STYXL2: variants seen among roughly 807,000 people sequenced by gnomAD.
The protein encoded by STYXL2 is serine/threonine/tyrosine-interacting-like protein 2.
Under a neutral mutation model 52.4 loss-of-function variants are expected in STYXL2, and 44 were observed. That is an observed-to-expected ratio of 0.84 (90% confidence interval 0.66 to 1.08). The LOEUF is 1.08. Ranked by LOEUF, STYXL2 falls within the 50% of genes least tolerant of loss-of-function variation. The pLI, the probability that STYXL2 is intolerant of heterozygous loss-of-function variation, is 0.00. For missense variants in STYXL2, 1,604 were observed against 1,471.7 expected, an observed-to-expected ratio of 1.09 and a Z score of -1.47; for synonymous variants, 604 against 586.9, an observed-to-expected ratio of 1.03 and a Z score of -0.42.
intron 2 of STYXL2, among the ~76,000 whole-genome samples, chr1:167,111,493 TATATATATATATATATATATACAC>T (rs1197373846): frequency 0.026 from 1,461 of 56,198 alleles, 36 homozygotes; most frequent in East Asian, 0.24. Context: ...TATATATATA[TATATATATATATATATATATACAC>T]ACACACACAC....
In STYXL2 at chr1:167,128,708, G is replaced by A. The variant is rs267747; in HGVS notation, c.*100G>A. 263,480 of 1,456,428 alleles carry A rather than the reference G, an allele frequency of 0.18. 29,433 individuals carry two copies. The highest frequency in any genetic ancestry group is 0.53 in the African/African-American group (37,318 of 70,270). 90.2% of individuals were successfully genotyped at this position (1,456,428 alleles called of 1,614,324 possible). A position where few individuals can be genotyped will look rare whatever the true frequency, so the allele number is the denominator to read the frequency against. ...TCATCGCAGGATGAGGATACAGAGA[G>A]GATCTTCCAGAGGGGCAGAGCCAAA... On this transcript the variant is annotated 3_prime_UTR_variant, in exon 6 of 6. Coordinates refer to ENST00000361200, the MANE Select transcript of STYXL2 (RefSeq NM_001080426.3).
At position 167,128,032 on chromosome 1, in the gene STYXL2, G is replaced by A. The variant is rs1382321485; in HGVS notation, c.2901G>A (p.Leu967=). 1 of 1,614,200 alleles carries A rather than the reference G, an allele frequency of 6.2e-7. No individual in the cohort carries two copies. Among genetic ancestry groups the A allele is most frequent in the Admixed American group, 1.7e-5 (1 of 60,032 alleles). Reference sequence around the variant, plus strand: ...GAGGGAAGTACACCAGATCGTCCCTGCTCAGGGAGACAGAGTCTAAATCCT... The same window carrying A: ...GAGGGAAGTACACCAGATCGTCCCTACTCAGGGAGACAGAGTCTAAATCCT... ...SSRGKYTRSS[L]LRETESKSSS... Residue 967 remains leucine (L), a synonymous_variant, in exon 6 of 6, where the codon CTG becomes CTA. Transcript: ENST00000361200.
At chr1:167,122,613 C>T (rs942844465) in intron 5 of STYXL2, among the ~76,000 whole-genome samples, 4 of 151,936 alleles carry the variant, frequency 2.6e-5, no homozygotes, top group Admixed American at 2.6e-4. Flanking sequence ...CAAATCCAGG[C>T]TTGCTCAAAT....
chr1:167,097,804 C>T (rs532571972), intron 2 of STYXL2, among the ~76,000 whole-genome samples: 44 of 151,780 alleles, frequency 2.9e-4, no homozygotes, highest in Admixed American at 6.6e-4. Flanking sequence ...AATTAAAAGA[C>T]AAAGATGGTC....
chr1:167,119,202 C>A (rs752312770), intron 4 of STYXL2, 47 bp from the exon 5 acceptor site: 3 of 1,581,212 alleles, frequency 1.9e-6, no homozygotes, highest in Non-Finnish European at 1.7e-6. Flanking sequence ...GGTGACACAC[C>A]TTTCTAGTTC....
intron 2 of STYXL2, among the ~76,000 whole-genome samples, chr1:167,098,002 AC>A (rs1667326426): frequency 1.4e-5 from 2 of 139,584 alleles, no homozygotes; most frequent in African/African-American, 2.7e-5. Context: ...GTCTCTACAA[AC>A]TTTTTTTTTT....
At chr1:167,117,266 A>G in intron 3 of STYXL2, 62 bp from the exon 4 acceptor site, 3 of 1,426,808 alleles carry the variant, frequency 2.1e-6, no homozygotes, top group South Asian at 1.3e-5. Flanking sequence ...TGTTCTCCCC[A>G]GGAACAAGGA....
intron 3 of STYXL2, 73 bp from the exon 4 acceptor site, chr1:167,117,255 A>G: frequency 7.4e-7 from 1 of 1,347,330 alleles, no homozygotes; most frequent in Non-Finnish European, 1.0e-6. Context: ...GGCCAAGAGC[A>G]TGTTCTCCCC....
Position 167,126,069 on chromosome 1 carries a change from C to G in STYXL2, c.938C>G (p.Thr313Arg), listed in dbSNP as rs545997985. 1.3e-6 allele frequency: 2 copies of G among 1,546,762 alleles called. No homozygotes were observed. The highest frequency in any genetic ancestry group is 1.4e-5 in the African/African-American group (1 of 72,858). Residue 313 changes from threonine to arginine, a missense_variant, in exon 6 of 6, where the codon ACG becomes AGG. By Grantham distance (71) the Thr-to-Arg change is moderately conservative. Coordinates refer to ENST00000361200, the MANE Select transcript of STYXL2 (RefSeq NM_001080426.3). ...CTCGGGGCCAGAGTGCACGCCCTGA[C>G]GGTGGAAGAGGAGGACGACAGCGCC... ...SMLGARVHAL[T>R]VEEEDDSASH...
chr1:167,095,384 C>T (rs1308359571), intron 2 of STYXL2, among the ~76,000 whole-genome samples: 1 of 151,618 alleles, frequency 6.6e-6, no homozygotes, highest in Non-Finnish European at 1.5e-5. Context: ...AGGAGAAGCC[C>T]ATGGAAGCAT....
At chr1:167,101,517 A>G (rs982395906) in intron 2 of STYXL2, among the ~76,000 whole-genome samples, 2 of 152,138 alleles carry the variant, frequency 1.3e-5, no homozygotes, top group African/African-American at 4.8e-5. Context: ...ATGAAGGCCT[A>G]TGTCTGCAGG....
intron 5 of STYXL2, among the ~76,000 whole-genome samples, chr1:167,124,590 GATCTGTTGA>G (rs1392739514): frequency 1.2e-4 from 19 of 152,258 alleles, no homozygotes; most frequent in Middle Eastern, 3.4e-3. Context: ...GCAGGTAACT[GATCTGTTGA>G]ATGGTAGAGT....
chr1:167,125,183 G>A (rs147399940), intron 5 of STYXL2, among the ~76,000 whole-genome samples: 142 of 152,282 alleles, frequency 9.3e-4, no homozygotes, highest in African/African-American at 3.1e-3. Context: ...GTCAGAGCAG[G>A]AGTACTGGAT....
In STYXL2 at chr1:167,112,933, T is replaced by A. The variant is rs574806049; in HGVS notation, c.111-777T>A. Among the ~76,000 whole-genome samples, 11 of 152,230 alleles carry A rather than the reference T, an allele frequency of 7.2e-5. No homozygotes were observed. The South Asian group carries it at 2.3e-3, about 32-fold the overall frequency. On this transcript the variant is annotated intron_variant, in intron 2 of 5. Transcript: ENST00000361200. ...CTGAACACCTGGAGAACAGGACAACTCACTAGAAAGTTGTTTACTAGTGAA... is the reference window on the plus strand; with the variant it reads ...CTGAACACCTGGAGAACAGGACAACACACTAGAAAGTTGTTTACTAGTGAA...
chr1:167,095,335 G>A (rs533628705), intron 2 of STYXL2, among the ~76,000 whole-genome samples: 35 of 151,348 alleles, frequency 2.3e-4, no homozygotes, highest in Non-Finnish European at 4.4e-4. Context: ...CTGGATATGG[G>A]GATGACAGGC....
intron 5 of STYXL2, among the ~76,000 whole-genome samples, chr1:167,123,057 C>A (rs1263893496): frequency 6.6e-6 from 1 of 152,222 alleles, no homozygotes; most frequent in Non-Finnish European, 1.5e-5. Flanking sequence ...AAAAACACTA[C>A]CTTCCTCAAA....
intron 2 of STYXL2, among the ~76,000 whole-genome samples, chr1:167,108,566 A>T (rs541452181): frequency 9.2e-4 from 121 of 131,484 alleles, no homozygotes; most frequent in Non-Finnish European, 1.5e-3. Flanking sequence ...AAACAATGAG[A>T]TCTCTAAAGG....
Position 167,127,038 on chromosome 1 carries a change from C to A in STYXL2, c.1907C>A (p.Thr636Lys), listed in dbSNP as rs202017285. Residue 636 changes from threonine (T) to lysine (K), a missense_variant, in exon 6 of 6, where the codon ACG becomes AAG. Thr to Lys is a moderately conservative substitution (Grantham distance 78, BLOSUM62 -1). Transcript: ENST00000361200. ...RLELLERSRQ[T>K]LEESQSMASW... is the part of the protein sequence containing the mutation. ...GAGCTGCTGGAGAGAAGCCGGCAGA[C>A]GCTGGAGGAGAGCCAGTCTATGGCA... 1.9e-6 allele frequency: 3 copies of A among 1,607,926 alleles called. No individual in the cohort carries two copies. The highest frequency in any genetic ancestry group is 2.6e-6 in the Non-Finnish European group (3 of 1,176,276).
At chr1:167,105,049 C>T (rs1259881394) in intron 2 of STYXL2, among the ~76,000 whole-genome samples, 1 of 152,200 alleles carries the variant, frequency 6.6e-6, no homozygotes, top group Non-Finnish European at 1.5e-5. Context: ...CACAAAACTA[C>T]ACTTATCCTT....
Sources: allele counts gnomAD v4.1 joint callset (sites outside exome capture counted in the v4.1 genomes callset), GRCh38; gene constraint gnomAD v4.1.1; transcripts MANE v1.5; gene names NCBI Gene and HGNC (gene_info 2026-07-23, HGNC 2026-07-21).